DLG2: variants seen among roughly 807,000 people sequenced by gnomAD.
DLG2 encodes the protein disks large homolog 2.
DLG2 carries 45 observed loss-of-function variants against 132.5 expected under a neutral mutation model. That is an observed-to-expected ratio of 0.34 (90% CI 0.27 to 0.44). The LOEUF (loss-of-function observed/expected upper bound fraction) is 0.44, where lower values mean the gene tolerates loss of function less well. Among genes scored for constraint, DLG2 ranks in the 20% least tolerant of loss-of-function variants. The pLI is 1.00. For synonymous variants in DLG2, 424 were observed against 419.6 expected (o/e 1.01, Z -0.13); for missense variants, 1,045 against 1,196.9 (o/e 0.87, Z 1.87).
chr11:84,884,929 C>T (rs1454818024), intron 6 of DLG2, among the ~76,000 whole-genome samples: 1 of 152,092 alleles, frequency 6.6e-6, no homozygotes, highest in East Asian at 1.9e-4. Context: ...TCCCTTTGTC[C>T]AGGGTATTCA....
chr11:85,403,895 G>A lies in DLG2; in HGVS notation c.41-118530C>T, dbSNP rs1239211651. On this transcript the variant is annotated intron_variant, in intron 3 of 27. Transcript: ENST00000376104. ...CATTGATAGTGAAGACAGAGAGCTA[G>A]GGGTAAATTCAAAAGAAGTTTCTAA... 2.6e-5 allele frequency among the ~76,000 whole-genome samples: 4 copies of A among 152,024 alleles called. No individual in the cohort carries two copies. In the East Asian group the frequency reaches 7.7e-4, roughly 29 times the overall value.
intron 6 of DLG2, among the ~76,000 whole-genome samples, chr11:85,003,594 T>C (rs1408228796): frequency 6.6e-6 from 1 of 152,124 alleles, no homozygotes; most frequent in Non-Finnish European, 1.5e-5. Flanking sequence ...GGAGAATTAT[T>C]TTTCTTTGTT....
chr11:83,825,167 ATATATTTTTTTT>A (rs1420314836), intron 17 of DLG2, among the ~76,000 whole-genome samples: 292 of 90,672 alleles, frequency 3.2e-3, no homozygotes, highest in African/African-American at 0.013. Flanking sequence ...ATATATATAT[ATATATTTTTTTT>A]TTTTTTTTTT....
chr11:85,537,328 C>A (rs747774359), intron 3 of DLG2, among the ~76,000 whole-genome samples: 4 of 152,202 alleles, frequency 2.6e-5, no homozygotes, highest in Non-Finnish European at 4.4e-5. Flanking sequence ...GCTCAGGTCA[C>A]TTTCCAGGCT....
chr11:83,719,351 T>C (rs1261117722), intron 18 of DLG2, among the ~76,000 whole-genome samples: 1 of 152,236 alleles, frequency 6.6e-6, no homozygotes, highest in African/African-American at 2.4e-5. Flanking sequence ...AACATACCTC[T>C]GAGCACACTC....
intron 6 of DLG2, among the ~76,000 whole-genome samples, chr11:84,902,661 G>A (rs1223690220): frequency 6.6e-6 from 1 of 152,126 alleles, no homozygotes; most frequent in Non-Finnish European, 1.5e-5. Flanking sequence ...ATGGCCAGAT[G>A]TCTATTTCCA....
intron 8 of DLG2, among the ~76,000 whole-genome samples, chr11:84,188,985 C>G (rs979701263): frequency 2.6e-5 from 4 of 152,130 alleles, no homozygotes; most frequent in Non-Finnish European, 5.9e-5. Context: ...AGCCCATTAA[C>G]TAATAAAATT....
At chr11:84,984,639 G>A (rs868714218) in intron 6 of DLG2, among the ~76,000 whole-genome samples, 47 of 150,572 alleles carry the variant, frequency 3.1e-4, no homozygotes, top group African/African-American at 6.6e-4. Flanking sequence ...ATGGTACCTC[G>A]CATCTTAATA....
At chr11:84,009,577 A>G (rs1443001420) in intron 11 of DLG2, among the ~76,000 whole-genome samples, 1 of 152,068 alleles carries the variant, frequency 6.6e-6, no homozygotes, top group East Asian at 1.9e-4. Context: ...GATTCCTACA[A>G]GGGTGAGCAG....
At chr11:84,807,335 A>G (rs1598557056) in intron 6 of DLG2, among the ~76,000 whole-genome samples, 1 of 151,978 alleles carries the variant, frequency 6.6e-6, no homozygotes, top group East Asian at 1.9e-4. Context: ...AATCCCAGCT[A>G]CTCAGGAGAC....
chr11:84,922,985 T>C, intron 6 of DLG2: 1 of 1,509,570 alleles, frequency 6.6e-7, no homozygotes, highest in Non-Finnish European at 9.2e-7. Context: ...CAGCCAGCAA[T>C]CCGAAAAGTC....
At chr11:85,236,067 G>T (rs2075572171) in intron 4 of DLG2, among the ~76,000 whole-genome samples, 1 of 151,830 alleles carries the variant, frequency 6.6e-6, no homozygotes, top group Non-Finnish European at 1.5e-5. Flanking sequence ...ACTAAAAAAA[G>T]TTAAGTCTAT....
At chr11:83,501,197 CTTTTCTTTTTT>C (rs2094437291) in intron 21 of DLG2, among the ~76,000 whole-genome samples, 1 of 129,590 alleles carries the variant, frequency 7.7e-6, no homozygotes, top group African/African-American at 2.8e-5. Context: ...TTCTGTTTTT[CTTTTCTTTTTT>C]TTTTTTTTGG....
chr11:85,207,951 G>T (rs1471139580), intron 4 of DLG2, among the ~76,000 whole-genome samples: 1 of 151,750 alleles, frequency 6.6e-6, no homozygotes, highest in Non-Finnish European at 1.5e-5. Context: ...CCTCCTCCAA[G>T]AAGCCCTTCC....
At chr11:84,066,201 G>A (rs1416546575) in intron 10 of DLG2, among the ~76,000 whole-genome samples, 1 of 151,830 alleles carries the variant, frequency 6.6e-6, no homozygotes, top group Non-Finnish European at 1.5e-5. Context: ...ACATGCACAT[G>A]TACCCCCGAA....
At chr11:83,502,984 C>T (rs73520697) in intron 21 of DLG2, among the ~76,000 whole-genome samples, 1,895 of 151,880 alleles carry the variant, frequency 0.012, 32 homozygotes, top group African/African-American at 0.043. Context: ...ATGCATGTAC[C>T]TAATATATTT....
chr11:84,101,594 A>G (rs1461885497), intron 9 of DLG2, among the ~76,000 whole-genome samples: 1 of 152,134 alleles, frequency 6.6e-6, no homozygotes, highest in Non-Finnish European at 1.5e-5. Context: ...TATAACCTCA[A>G]CTGCATTGTC....
intron 4 of DLG2, among the ~76,000 whole-genome samples, chr11:85,268,286 G>A (rs1325523739): frequency 6.6e-6 from 1 of 152,076 alleles, no homozygotes; most frequent in Non-Finnish European, 1.5e-5. Flanking sequence ...GCCTTCTTTG[G>A]AAAGGCTAAT....
intron 4 of DLG2, among the ~76,000 whole-genome samples, chr11:85,227,417 C>T (rs1180023649): frequency 6.6e-6 from 1 of 151,970 alleles, no homozygotes; most frequent in African/African-American, 2.4e-5. Context: ...GTTATTTCTA[C>T]AGTCACTCAT....
Sources: gnomAD v4.1 joint callset for allele counts (sites outside exome capture counted in the v4.1 genomes callset) on GRCh38, gnomAD v4.1.1 for gene constraint, MANE v1.5 for transcripts, NCBI Gene and HGNC (gene_info 2026-07-23, HGNC 2026-07-21) for gene names.